The following LRP1B variants were observed in gnomAD, a reference collection of about 807,000 sequenced individuals.
LRP1B encodes LDL receptor related protein 1B, also known as low-density lipoprotein receptor-related protein 1B.
In LRP1B, 217 loss-of-function variants were observed where a neutral mutation model predicts 556.6. That is an observed-to-expected ratio of 0.39 (90% CI 0.35 to 0.44). The LOEUF (loss-of-function observed/expected upper bound fraction) is 0.44, where lower values mean the gene tolerates loss of function less well. Among genes scored for constraint, LRP1B ranks in the 20% least tolerant of loss-of-function variants. LRP1B has a pLI of 1.00. For synonymous variants in LRP1B, 2,047 were observed against 1,865.8 expected, an observed-to-expected ratio of 1.10 and a Z score of -2.50; for missense variants, 5,053 against 5,620.8, an observed-to-expected ratio of 0.90 and a Z score of 3.23.
chr2:141,191,057 T>C (rs1681481296), intron 6 of LRP1B, among the ~76,000 whole-genome samples: 1 of 151,964 alleles, frequency 6.6e-6, no homozygotes, highest in Middle Eastern at 3.2e-3. Context: ...CAGAGAAATC[T>C]GAACAGGTGA....
intron 1 of LRP1B, among the ~76,000 whole-genome samples, chr2:141,984,523 T>G (rs1236771413): frequency 6.6e-6 from 1 of 152,068 alleles, no homozygotes; most frequent in Non-Finnish European, 1.5e-5. Context: ...AAAAAAGCAT[T>G]AAGGACCACC....
intron 7 of LRP1B, among the ~76,000 whole-genome samples, chr2:141,106,318 C>T (rs1482178849): frequency 2.6e-5 from 4 of 151,940 alleles, no homozygotes; most frequent in Non-Finnish European, 5.9e-5. Context: ...TCCTAAAATG[C>T]CCCCCAAAAA....
intron 2 of LRP1B, among the ~76,000 whole-genome samples, chr2:141,784,483 T>G (rs1695361934): frequency 6.6e-6 from 1 of 152,004 alleles, no homozygotes; most frequent in Admixed American, 6.6e-5. Context: ...AAGAGTATTA[T>G]ATATACAAGC....
intron 2 of LRP1B, among the ~76,000 whole-genome samples, chr2:141,737,687 C>T (rs1342737052): frequency 1.3e-5 from 2 of 152,114 alleles, no homozygotes; most frequent in East Asian, 1.9e-4. Context: ...TTGCCTCTTG[C>T]TTTCTCACAC....
chr2:140,356,932 G>C (rs1259942806), intron 74 of LRP1B, among the ~76,000 whole-genome samples: 1 of 151,728 alleles, frequency 6.6e-6, no homozygotes, highest in African/African-American at 2.4e-5. Context: ...ACTCAAGCAA[G>C]TTGTCTAAAT....
intron 1 of LRP1B, among the ~76,000 whole-genome samples, chr2:141,908,879 G>T (rs1171387635): frequency 6.6e-6 from 1 of 152,060 alleles, no homozygotes. Context: ...GTGAATTTGA[G>T]CAAGCCATTG....
rs747616301 is a variant in LRP1B at position 140,495,637 on chromosome 2, T to C, written c.8962A>G (p.Thr2988Ala). Residue 2988 changes from threonine to alanine, a missense_variant, in exon 56 of 91, where the codon ACT (threonine) becomes GCT (alanine). Transcript: ENST00000389484. ...CCATCTGTACAGAGGCACTTGTAAG[T>C]CCCGTATGTATTGATGCATTGCTGG... The part of the protein sequence containing the change: ...CSQQCINTYG[T>A]YKCLCTDGYE... 5 of 1,614,004 alleles carry C rather than the reference T, an allele frequency of 3.1e-6. No homozygotes were observed. Among genetic ancestry groups the C allele is most frequent in the African/African-American group, 1.3e-5 (1 of 75,034 alleles).
intron 37 of LRP1B, among the ~76,000 whole-genome samples, chr2:140,705,716 C>G (rs1269299062): frequency 6.6e-6 from 1 of 151,678 alleles, no homozygotes; most frequent in Non-Finnish European, 1.5e-5. Context: ...TAAAATTATT[C>G]TAAGTAAAAC....
chr2:141,915,822 T>A (rs1055812540), intron 1 of LRP1B, among the ~76,000 whole-genome samples: 1 of 151,794 alleles, frequency 6.6e-6, no homozygotes. Flanking sequence ...AACAAACATA[T>A]AAAAAATGCT....
chr2:142,019,183 T>G (rs1399135461), intron 1 of LRP1B, among the ~76,000 whole-genome samples: 1 of 152,192 alleles, frequency 6.6e-6, no homozygotes, highest in Non-Finnish European at 1.5e-5. Flanking sequence ...TAACCTTCAT[T>G]TCATTTTTAA....
intron 43 of LRP1B, among the ~76,000 whole-genome samples, chr2:140,584,193 AAAT>A (rs1259187788): frequency 2.6e-5 from 4 of 152,104 alleles, no homozygotes; most frequent in African/African-American, 9.7e-5. Flanking sequence ...ACAATACAAA[AAAT>A]AAGAAATTCA....
At chr2:140,579,565 G>C (rs149224542) in intron 43 of LRP1B, among the ~76,000 whole-genome samples, 1 of 152,154 alleles carries the variant, frequency 6.6e-6, no homozygotes, top group Non-Finnish European at 1.5e-5. Flanking sequence ...AGGGTAGGCC[G>C]GTGCGGTGGC....
chr2:141,185,683 C>CAAAAAAAAAAAAAAAAAAAAAAAA (rs148935362), intron 7 of LRP1B, among the ~76,000 whole-genome samples: 22 of 74,314 alleles, frequency 3.0e-4, no homozygotes, highest in African/African-American at 1.1e-3. Flanking sequence ...GAAAAACAAA[C>CAAAAAAAAAAAAAAAAAAAAAAAA]AAACAAAAAA....
intron 66 of LRP1B, among the ~76,000 whole-genome samples, chr2:140,399,755 T>A (rs1047753055): frequency 6.6e-6 from 1 of 152,166 alleles, no homozygotes; most frequent in Admixed American, 6.6e-5. Context: ...GTAAAGACTT[T>A]ATGGAAAAGC....
chr2:141,034,207 A>C (rs1448515181), intron 11 of LRP1B, among the ~76,000 whole-genome samples: 2 of 152,124 alleles, frequency 1.3e-5, no homozygotes. Context: ...AGTCTGGTTC[A>C]ATCTGTATTC....
Position 140,297,902 on chromosome 2 carries a change from A to G in LRP1B, c.12873T>C (p.Asp4291=). 6.2e-7 allele frequency: 1 copy of G among 1,613,998 alleles called. No individual in the cohort carries two copies. Among genetic ancestry groups the G allele is most frequent in the Non-Finnish European group, 8.5e-7 (1 of 1,179,932 alleles). The change falls in exon 84 of 91, where the codon GAT becomes GAC. Residue 4291 remains aspartate (D), a synonymous_variant. Transcript: ENST00000389484. ...GPNCGKTVCE[D]FCQNGGTCIV... is the part of the protein sequence containing the mutation. ...TGCAGGTTCCTCCATTTTGACAAAAATCCTCACAGACTGTCTTACCACAGT... is the reference window on the plus strand; with the variant it reads ...TGCAGGTTCCTCCATTTTGACAAAAGTCCTCACAGACTGTCTTACCACAGT...
rs531710589 is a variant in LRP1B, at chr2:141,174,255, G to A, written c.1013+14166C>T. On this transcript the variant is annotated intron_variant, in intron 7 of 90. Coordinates refer to ENST00000389484, the MANE Select transcript of LRP1B (RefSeq NM_018557.3). The stretch of plus-strand genomic sequence containing the variant: ...GTGTTTCTAGTCCATCCAGAGAAGA[G>A]AGGGCTTATGTTCTAAAAATTATTT... Among the ~76,000 whole-genome samples, 3 of 152,176 alleles carry A rather than the reference G, an allele frequency of 2.0e-5. No individual in the cohort carries two copies. The East Asian group carries it at 5.8e-4, about 30-fold the overall frequency.
chr2:141,774,123 T>C (rs1052135087), intron 2 of LRP1B, among the ~76,000 whole-genome samples: 2 of 152,184 alleles, frequency 1.3e-5, no homozygotes, highest in East Asian at 1.9e-4. Flanking sequence ...ATTTTAAGAG[T>C]TTAATATAAA....
intron 1 of LRP1B, among the ~76,000 whole-genome samples, chr2:141,933,045 AAC>A (rs1700546028): frequency 1.3e-5 from 2 of 152,136 alleles, no homozygotes; most frequent in South Asian, 4.1e-4. Flanking sequence ...ATTTAAAAAT[AAC>A]ACAATATAAA....
Sources: gnomAD v4.1 joint callset for allele counts (sites outside exome capture counted in the v4.1 genomes callset) on GRCh38, gnomAD v4.1.1 for gene constraint, MANE v1.5 for transcripts, NCBI Gene and HGNC (gene_info 2026-07-23, HGNC 2026-07-21) for gene names.